The following ANKRD11 variants were observed in gnomAD, a reference collection of about 807,000 sequenced individuals.
ANKRD11 encodes the protein ankyrin repeat domain 11.
In ANKRD11, 17 loss-of-function variants were observed where a neutral mutation model predicts 195.7. That is an observed-to-expected ratio of 0.09 (90% CI 0.06 to 0.13). The LOEUF (loss-of-function observed/expected upper bound fraction) is 0.13. ANKRD11 is among the 10% of genes least tolerant of loss of function. The pLI is 1.00. For synonymous variants in ANKRD11, 1,953 were observed against 1,528.1 expected (o/e 1.28, Z -6.49); for missense variants, 3,735 against 3,566.1 (o/e 1.05, Z -1.21).
At chr16:89,384,879 C>CTTTTTTTTTTTTTTTTTGTTTTTTT (rs2040835081) in intron 2 of ANKRD11, among the ~76,000 whole-genome samples, 1 of 49,910 alleles carries the variant, frequency 2.0e-5, no homozygotes, top group African/African-American at 7.9e-5. Flanking sequence ...AAATAGTTTT[C>CTTTTTTTTTTTTTTTTTGTTTTTTT]TTTTTTTTTT....
At position 89,279,789 on chromosome 16, in the gene ANKRD11, C is replaced by G. The variant is rs767004467; in HGVS notation, c.6753G>C (p.Leu2251=). The change falls in exon 9 of 13, where the codon CTG becomes CTC. Residue 2251 remains leucine (L), a synonymous_variant. Transcript: ENST00000301030. This position sits in a 1 kb window ranked among gnomAD's most constrained non-coding sequence, Gnocchi z 5.6. ...CCTCAGCCCCCTGGTCTCCGCTCCC[C>G]AGTGGGCGCTGTTCTGGGGGAACGG... ...PAPVPPEQRP[L]GSGDQGAEAE... The G allele has an allele frequency of 2.0e-6, 3 of 1,536,470 alleles. 1 individual carries two copies. The highest frequency in any genetic ancestry group is 2.4e-5 in the South Asian group (2 of 84,320).
chr16:89,336,852 G>A (rs975800043), intron 2 of ANKRD11, among the ~76,000 whole-genome samples: 7 of 151,966 alleles, frequency 4.6e-5, no homozygotes, highest in South Asian at 2.1e-4. Context: ...CAGGCCGGGC[G>A]CGGTGGCTCA....
chr16:89,280,161 G>GGGGCCGGCGACA lies in ANKRD11; in HGVS notation c.6380_6381insTGTCGCCGGCCC (p.Pro2127_Glu2128insValAlaGlyPro), dbSNP rs2034064925. 1 of 1,610,142 alleles carries GGGGCCGGCGACA rather than the reference G, an allele frequency of 6.2e-7. No homozygotes were observed. The highest frequency in any genetic ancestry group is 1.3e-5 in the African/African-American group (1 of 74,890). ...AGGGCCCCAGGTCCAGGTCGTCCTC[G>GGGGCCGGCGACA]GGGCCGGCGAAGGCGTCCGCCCAGG... On this transcript the variant is annotated inframe_insertion, in exon 9 of 13. Transcript: ENST00000301030.
intron 2 of ANKRD11, among the ~76,000 whole-genome samples, chr16:89,330,183 A>T (rs2037973071): frequency 6.6e-6 from 1 of 152,174 alleles, no homozygotes; most frequent in Non-Finnish European, 1.5e-5. Context: ...TACAACTTCA[A>T]AAAGGAAGAG....
intron 2 of ANKRD11, among the ~76,000 whole-genome samples, chr16:89,388,706 C>T (rs1223931202): frequency 6.6e-6 from 1 of 152,154 alleles, no homozygotes; most frequent in Middle Eastern, 3.2e-3. Flanking sequence ...AGGACGTCAT[C>T]CACACAAAGA....
At chr16:89,482,867 G>A (rs1021020894) in intron 1 of ANKRD11, among the ~76,000 whole-genome samples, 3 of 152,198 alleles carry the variant, frequency 2.0e-5, no homozygotes, top group Non-Finnish European at 4.4e-5. Flanking sequence ...ACTACAGGCC[G>A]AATGCAGGCA....
At chr16:89,410,246 AC>A (rs1321942312) in intron 2 of ANKRD11, among the ~76,000 whole-genome samples, 1 of 152,130 alleles carries the variant, frequency 6.6e-6, no homozygotes, top group Non-Finnish European at 1.5e-5. Flanking sequence ...TTTGAGTGTC[AC>A]CTAAAGCCTC....
chr16:89,475,425 G>C (rs1371678778), intron 1 of ANKRD11, among the ~76,000 whole-genome samples: 1 of 152,056 alleles, frequency 6.6e-6, no homozygotes, highest in Non-Finnish European at 1.5e-5. Flanking sequence ...TGTTTCTATA[G>C]CAACCAGAAA....
At chr16:89,271,016 A>G in intron 11 of ANKRD11, 107 bp from the exon 12 acceptor site, 1 of 1,009,494 alleles carries the variant, frequency 9.9e-7, no homozygotes, top group Non-Finnish European at 1.5e-6. Context: ...GGACAACCAC[A>G]GGGGGAGCCT....
intron 2 of ANKRD11, among the ~76,000 whole-genome samples, chr16:89,328,120 C>T (rs1257907827): frequency 6.7e-6 from 1 of 149,942 alleles, no homozygotes; most frequent in Non-Finnish European, 1.5e-5. Flanking sequence ...CATCCTAAGC[C>T]GTTAGGGAAA....
Position 89,281,940 on chromosome 16 carries a change from GAAT to G in ANKRD11, c.4599_4601del (p.Lys1533_Phe1534delinsAsn), listed in dbSNP as rs764785262. On this transcript the variant is annotated inframe_deletion, in exon 9 of 13. Coordinates refer to ENST00000301030, the MANE Select transcript of ANKRD11 (RefSeq NM_013275.6). The surrounding 1 kb of genome is among the most constrained non-coding windows in gnomAD (Gnocchi z 5.5). ...CCTTTTCTTTCTCTGCACCGTCCTT[GAAT>G]TTCTCCTTCAGTTTGGCATCGCCGA... 1 of 1,612,932 alleles carries G rather than the reference GAAT, an allele frequency of 6.2e-7. No homozygotes were observed. The highest frequency in any genetic ancestry group is 1.1e-5 in the South Asian group (1 of 91,080).
chr16:89,400,820 C>T (rs1487919296), intron 2 of ANKRD11, among the ~76,000 whole-genome samples: 2 of 150,784 alleles, frequency 1.3e-5, no homozygotes, highest in Admixed American at 1.3e-4. Flanking sequence ...GGCTTCCCTG[C>T]GCTGGAGGCT....
rs1242653666 is a variant in ANKRD11 at position 89,446,628 on chromosome 16, A to C, written c.-144-28260T>G. On this transcript the variant is annotated intron_variant, in intron 1 of 12. Coordinates refer to ENST00000301030, the MANE Select transcript of ANKRD11 (RefSeq NM_013275.6). ...CAAACAAAAACAAAAACCAAAAAAAACCCACAGACTCAATTCTGGCTGCCA... is the reference window on the plus strand; with the variant it reads ...CAAACAAAAACAAAAACCAAAAAAACCCCACAGACTCAATTCTGGCTGCCA... Among the ~76,000 whole-genome samples, 15 of 152,118 alleles carry C rather than the reference A, an allele frequency of 9.9e-5. No individual in the cohort carries two copies. In the East Asian group the frequency reaches 2.1e-3, roughly 22 times the overall value.
At chr16:89,334,548 G>C (rs1292982500) in intron 2 of ANKRD11, among the ~76,000 whole-genome samples, 1 of 152,086 alleles carries the variant, frequency 6.6e-6, no homozygotes, top group African/African-American at 2.4e-5. Context: ...CATGTGGGCA[G>C]TGGGCATGCG....
At chr16:89,331,482 G>C (rs1262897313) in intron 2 of ANKRD11, among the ~76,000 whole-genome samples, 1 of 152,206 alleles carries the variant, frequency 6.6e-6, no homozygotes, top group East Asian at 1.9e-4. Flanking sequence ...GAATCTTAGT[G>C]TGTAGACCCT....
intron 2 of ANKRD11, among the ~76,000 whole-genome samples, chr16:89,381,515 G>A (rs960469453): frequency 2.0e-5 from 3 of 151,812 alleles, no homozygotes; most frequent in African/African-American, 7.3e-5. Flanking sequence ...GCAAAATGAG[G>A]GTAAGCATTC....
At chr16:89,425,503 C>T (rs1024331262) in intron 1 of ANKRD11, among the ~76,000 whole-genome samples, 2 of 152,204 alleles carry the variant, frequency 1.3e-5, no homozygotes, top group Non-Finnish European at 2.9e-5. Flanking sequence ...GGATTCCACT[C>T]CCACAATGGT....
In ANKRD11 at chr16:89,279,321, C is replaced by A. The variant is rs761715813; in HGVS notation, c.7221G>T (p.Thr2407=). The part of the protein sequence containing the change: ...QQQLNTSTQQ[T]REVIQQTLAA... The stretch of plus-strand genomic sequence containing the variant: ...CCAGCGTCTGCTGGATCACCTCCCG[C>A]GTCTGCTGCGTGGACGTGTTCAGCT... Residue 2407 remains threonine (T), a synonymous_variant, in exon 9 of 13, where the codon ACG becomes ACT. Coordinates refer to ENST00000301030, the MANE Select transcript of ANKRD11 (RefSeq NM_013275.6). This position sits in a 1 kb window ranked among gnomAD's most constrained non-coding sequence, Gnocchi z 5.6. 3 of 1,611,824 alleles carry A rather than the reference C, an allele frequency of 1.9e-6. No individual in the cohort carries two copies. In the South Asian group the frequency reaches 3.3e-5, roughly 18 times the overall value.
rs550669239 is a variant in ANKRD11 at position 89,487,804 on chromosome 16, C to T, written c.-145+2441G>A. 7.1e-4 allele frequency among the ~76,000 whole-genome samples: 108 copies of T among 152,270 alleles called. 4 individuals carry two copies. The South Asian group carries it at 0.021, about 30-fold the overall frequency. ...AAATAAAATAAAATAAAAAGGGGCA[C>T]AAAAACTTCTTGGAAAAATACTGTC... On this transcript the variant is annotated intron_variant, in intron 1 of 12. Coordinates refer to ENST00000301030, the MANE Select transcript of ANKRD11 (RefSeq NM_013275.6).
Sources: gnomAD v4.1 joint callset for allele counts (sites outside exome capture counted in the v4.1 genomes callset) on GRCh38, gnomAD v4.1.1 for gene constraint, Gnocchi (gnomAD v3.1) non-coding constraint, MANE v1.5 for transcripts, NCBI Gene and HGNC (gene_info 2026-07-23, HGNC 2026-07-21) for gene names.